The following DIPK1C variants were observed in gnomAD, a reference collection of about 807,000 sequenced individuals.
DIPK1C encodes the protein divergent protein kinase domain 1C.
Under a neutral mutation model 28.0 loss-of-function variants are expected in DIPK1C, and 33 were observed. The observed-to-expected ratio is 1.18, with a 90% confidence interval of 0.89 to 1.58. The LOEUF (loss-of-function observed/expected upper bound fraction) is 1.58. DIPK1C is among the 40% of genes most tolerant of loss of function. The pLI is 0.00. For synonymous variants in DIPK1C, 255 were observed against 248.8 expected, an observed-to-expected ratio of 1.02 and a Z score of -0.23; for missense variants, 569 against 568.5, an observed-to-expected ratio of 1.00 and a Z score of -0.01.
At chr18:74,458,209 G>A (rs1302253600), upstream of DIPK1C, among the ~76,000 whole-genome samples, 1 of 152,040 alleles carries the variant, frequency 6.6e-6, no homozygotes, top group Non-Finnish European at 1.5e-5. Flanking sequence ...AGGGGGAGGC[G>A]GCGCCACCCC....
At chr18:74,452,534 A>C (rs1986421920) in intron 1 of DIPK1C, among the ~76,000 whole-genome samples, 2 of 152,048 alleles carry the variant, frequency 1.3e-5, no homozygotes, top group African/African-American at 4.8e-5. Context: ...ACTTGAGCCC[A>C]GGAATTCAAG....
At position 74,456,022 on chromosome 18, in the gene DIPK1C, A is replaced by C. The variant is rs188955124; in HGVS notation, c.198+1040T>G. 2.6e-5 allele frequency among the ~76,000 whole-genome samples: 4 copies of C among 152,362 alleles called. No homozygotes were observed. In the East Asian group the frequency reaches 7.7e-4, roughly 29 times the overall value. ...CTACAATCTCAAAAGGCCCACCCATATGTAAGCAACTGGACTGAAAACTTC... is the reference window on the plus strand; with the variant it reads ...CTACAATCTCAAAAGGCCCACCCATCTGTAAGCAACTGGACTGAAAACTTC... On this transcript the variant is annotated intron_variant, in intron 1 of 3. Transcript: ENST00000343998.
At chr18:74,438,027 G>C (rs1986037160) in intron 3 of DIPK1C, among the ~76,000 whole-genome samples, 1 of 152,190 alleles carries the variant, frequency 6.6e-6, no homozygotes, top group Non-Finnish European at 1.5e-5. Context: ...GAGTAGCTGG[G>C]ACTACAAGGG....
upstream of DIPK1C, chr18:74,457,397 C>A: frequency 4.9e-6 from 3 of 616,744 alleles, no homozygotes; most frequent in Non-Finnish European, 6.1e-6. Context: ...GGGCAGGCCC[C>A]GCGCCTGGGG....
upstream of DIPK1C, chr18:74,457,390 C>T (rs1350063576): frequency 1.2e-5 from 8 of 655,974 alleles, no homozygotes; most frequent in Non-Finnish European, 1.5e-5. Flanking sequence ...AGGGTTGGGG[C>T]AGGCCCCGCG....
chr18:74,460,667 A>T (rs1367070190), upstream of DIPK1C, among the ~76,000 whole-genome samples: 2 of 152,236 alleles, frequency 1.3e-5, no homozygotes, highest in African/African-American at 2.4e-5. Flanking sequence ...CATAGGAAAG[A>T]TACAGCCTCG....
At chr18:74,462,644 C>T (rs1191077221), upstream of DIPK1C, among the ~76,000 whole-genome samples, 1 of 150,562 alleles carries the variant, frequency 6.6e-6, no homozygotes, top group Non-Finnish European at 1.5e-5. Flanking sequence ...TGCTGAGTCT[C>T]ATAGTACATA....
chr18:74,443,188 C>T (rs538054860), intron 2 of DIPK1C, among the ~76,000 whole-genome samples: 2 of 152,214 alleles, frequency 1.3e-5, no homozygotes, highest in Non-Finnish European at 2.9e-5. Context: ...AAACAGACTT[C>T]AAAACCAGAG....
At chr18:74,445,791 C>G (rs1402947648) in intron 2 of DIPK1C, among the ~76,000 whole-genome samples, 2 of 152,210 alleles carry the variant, frequency 1.3e-5, no homozygotes, top group African/African-American at 4.8e-5. Context: ...CATCCCGCAC[C>G]CATGACATGC....
chr18:74,441,087 G>C (rs935451581), intron 3 of DIPK1C, among the ~76,000 whole-genome samples: 1 of 152,150 alleles, frequency 6.6e-6, no homozygotes, highest in African/African-American at 2.4e-5. Context: ...CACCATGCTG[G>C]GCTCCCCTCT....
At chr18:74,462,353 C>T (rs1986630287), upstream of DIPK1C, among the ~76,000 whole-genome samples, 1 of 152,206 alleles carries the variant, frequency 6.6e-6, no homozygotes, top group Non-Finnish European at 1.5e-5. Flanking sequence ...TCTTTTGCAC[C>T]TGGCTTCTTT....
chr18:74,441,125 G>T (rs1369213257), intron 3 of DIPK1C, among the ~76,000 whole-genome samples: 2 of 152,204 alleles, frequency 1.3e-5, no homozygotes, highest in Non-Finnish European at 2.9e-5. Flanking sequence ...TGCGTTTTGG[G>T]TCTGCAGTGG....
intron 1 of DIPK1C, among the ~76,000 whole-genome samples, chr18:74,454,088 C>G (rs983505226): frequency 5.9e-5 from 9 of 152,182 alleles, no homozygotes; most frequent in African/African-American, 2.2e-4. Flanking sequence ...ACACAGCCCA[C>G]TAGAAAAGCG....
chr18:74,449,660 G>A (rs949191984), intron 1 of DIPK1C, among the ~76,000 whole-genome samples: 4 of 152,150 alleles, frequency 2.6e-5, no homozygotes, highest in African/African-American at 9.7e-5. Context: ...TGATGCACGC[G>A]AGACAGGCCT....
upstream of DIPK1C, among the ~76,000 whole-genome samples, chr18:74,461,838 C>T (rs1406407446): frequency 6.6e-6 from 1 of 152,206 alleles, no homozygotes; most frequent in Non-Finnish European, 1.5e-5. Flanking sequence ...CTTACTGCAG[C>T]CTCTACATTC....
chr18:74,459,485 G>C (rs1986584693), upstream of DIPK1C, among the ~76,000 whole-genome samples: 1 of 152,232 alleles, frequency 6.6e-6, no homozygotes, highest in Non-Finnish European at 1.5e-5. Flanking sequence ...GTGCAGCTTA[G>C]GTTGATACCA....
In DIPK1C at chr18:74,439,733, T is replaced by G. The variant is rs201461857; in HGVS notation, c.1041+2219A>C. 4.3e-4 allele frequency among the ~76,000 whole-genome samples: 66 copies of G among 152,242 alleles called. No homozygotes were observed. In the South Asian group the frequency reaches 0.013, roughly 30 times the overall value. On this transcript the variant is annotated intron_variant, in intron 3 of 3. Transcript: ENST00000343998. ...TATTTGGGAGGCTGAGGTGAGAGGA[T>G]CACTTGAGCCCAGGAGTTCGAGGCT... is the stretch of plus-strand genomic sequence containing the variant.
chr18:74,455,638 A>G (rs924694772), intron 1 of DIPK1C, among the ~76,000 whole-genome samples: 10 of 151,294 alleles, frequency 6.6e-5, no homozygotes, highest in African/African-American at 2.4e-4. Flanking sequence ...TTAAAAATAC[A>G]AAATTAGCCA....
At chr18:74,460,079 T>C (rs1986594266), upstream of DIPK1C, among the ~76,000 whole-genome samples, 1 of 152,116 alleles carries the variant, frequency 6.6e-6, no homozygotes, top group Non-Finnish European at 1.5e-5. Flanking sequence ...GCTCTGAGGA[T>C]GTGGTGGCCA....
Sources: allele counts gnomAD v4.1 joint callset (sites outside exome capture counted in the v4.1 genomes callset), GRCh38; gene constraint gnomAD v4.1.1; transcripts MANE v1.5; gene names NCBI Gene and HGNC (gene_info 2026-07-23, HGNC 2026-07-21).